LYPLAL1: variants seen among roughly 807,000 people sequenced by gnomAD.
The protein encoded by LYPLAL1 is lysophospholipase like 1, also known as lysophospholipase-like protein 1.
LYPLAL1 carries 23 observed loss-of-function variants against 19.7 expected under a neutral mutation model. That is an observed-to-expected ratio of 1.17 (90% CI 0.84 to 1.65). The LOEUF is 1.65. LYPLAL1 is among the 40% of genes most tolerant of loss of function. The pLI, the probability that LYPLAL1 is intolerant of heterozygous loss-of-function variation, is 0.00. For missense variants in LYPLAL1, 355 were observed against 279.4 expected, an observed-to-expected ratio of 1.27 and a Z score of -1.93; for synonymous variants, 119 against 96.3, an observed-to-expected ratio of 1.24 and a Z score of -1.38.
chr1:219,430,671 C>A, the LYPLAL1 span, among the ~76,000 whole-genome samples: 3 of 152,174 alleles, frequency 2.0e-5, no homozygotes, highest in Non-Finnish European at 4.4e-5. Flanking sequence ...TGTGGCTTAG[C>A]AGCTGTCAGT....
the LYPLAL1 span, among the ~76,000 whole-genome samples, chr1:219,235,088 C>A: frequency 6.6e-6 from 1 of 152,036 alleles, no homozygotes; most frequent in Non-Finnish European, 1.5e-5. Context: ...CATTATAATT[C>A]ACTTTGACCA....
At chr1:219,187,184 C>T (rs1038542189) in intron 2 of LYPLAL1, among the ~76,000 whole-genome samples, 2 of 151,598 alleles carry the variant, frequency 1.3e-5, no homozygotes, top group African/African-American at 2.4e-5. Flanking sequence ...TTTTAAACAG[C>T]TTAAGAGGAG....
chr1:219,228,620 G>A, the LYPLAL1 span, among the ~76,000 whole-genome samples: 2 of 151,904 alleles, frequency 1.3e-5, no homozygotes, highest in African/African-American at 4.8e-5. Flanking sequence ...GTGGTAAGTA[G>A]TTATCTGGAA....
the LYPLAL1 span, among the ~76,000 whole-genome samples, chr1:219,355,054 G>A: frequency 3.3e-5 from 5 of 152,310 alleles, no homozygotes; most frequent in African/African-American, 1.2e-4. Flanking sequence ...TGTAGACTGT[G>A]TTAAATCTAA....
At chr1:219,346,051 A>G in the LYPLAL1 span, among the ~76,000 whole-genome samples, 1 of 152,174 alleles carries the variant, frequency 6.6e-6, no homozygotes, top group East Asian at 1.9e-4. Context: ...GAGTCCAGGT[A>G]TTACTGAAAC....
At chr1:219,232,037 C>T in the LYPLAL1 span, among the ~76,000 whole-genome samples, 1 of 152,090 alleles carries the variant, frequency 6.6e-6, no homozygotes, top group African/African-American at 2.4e-5. Flanking sequence ...ATGTTTCTGC[C>T]ACAGTCATTT....
chr1:219,374,743 C>T, the LYPLAL1 span, among the ~76,000 whole-genome samples: 3 of 152,020 alleles, frequency 2.0e-5, no homozygotes, highest in East Asian at 3.9e-4. Context: ...TTTCACATCC[C>T]AAATTCCGGC....
Position 219,211,552 on chromosome 1 carries a change from G to T in LYPLAL1, c.538G>T (p.Glu180Ter). The T allele has an allele frequency of 6.2e-7, 1 of 1,613,376 alleles. No homozygotes were observed. The highest frequency in any genetic ancestry group is 8.5e-7 in the Non-Finnish European group (1 of 1,179,530). The stretch of plus-strand genomic sequence containing the variant: ...ATTTCAGTGTCATGGTACTGCAGAT[G>T]AGTTAGTTCTTCATTCTTGGGCAGA... ...ELFQCHGTAD[E>*]LVLHSWAEET... Residue 180 changes from glutamate to a stop codon, truncating the protein, a stop_gained, in exon 5 of 5, where the codon GAG becomes TAG. Coordinates refer to ENST00000366928, the MANE Select transcript of LYPLAL1 (RefSeq NM_138794.5). LOFTEE classifies it low-confidence loss of function (END_TRUNC).
At chr1:219,337,177 C>A in the LYPLAL1 span, among the ~76,000 whole-genome samples, 2 of 151,888 alleles carry the variant, frequency 1.3e-5, no homozygotes, top group African/African-American at 2.4e-5. Context: ...TCTGATCAAC[C>A]AGGATTATCT....
At chr1:219,348,671 G>T in the LYPLAL1 span, among the ~76,000 whole-genome samples, 5 of 152,234 alleles carry the variant, frequency 3.3e-5, no homozygotes, top group East Asian at 5.8e-4. Context: ...TAAATATGCA[G>T]CCAGCTGTCT....
chr1:219,206,355 T>C lies in LYPLAL1; in HGVS notation c.362-4177T>C, dbSNP rs190515334. ...ACAATGGATTTACTATTTTCGTATT[T>C]ACTTATTGAACAGTAGATTTTATAT... On this transcript the variant is annotated intron_variant, in intron 3 of 4. Coordinates refer to ENST00000366928, the MANE Select transcript of LYPLAL1 (RefSeq NM_138794.5). Among the ~76,000 whole-genome samples the C allele has an allele frequency of 3.3e-5, 5 of 152,250 alleles. No homozygotes were observed. The East Asian group carries it at 9.6e-4, about 29-fold the overall frequency.
At chr1:219,225,336 T>C in the LYPLAL1 span, 2 of 152,158 alleles carry the variant, frequency 1.3e-5, no homozygotes, top group African/African-American at 2.4e-5. Flanking sequence ...TCTGGTGAGA[T>C]TTAATATAAA....
chr1:219,423,198 A>G, the LYPLAL1 span, among the ~76,000 whole-genome samples: 2 of 152,268 alleles, frequency 1.3e-5, no homozygotes, highest in South Asian at 2.1e-4. Context: ...GGGCTGAGGA[A>G]AACCTTTCTT....
chr1:219,303,563 T>C, the LYPLAL1 span, among the ~76,000 whole-genome samples: 28 of 152,344 alleles, frequency 1.8e-4, no homozygotes, highest in African/African-American at 6.3e-4. Flanking sequence ...GTGCAGATCA[T>C]AGAACATGTG....
chr1:219,183,754 G>A (rs899105033), intron 2 of LYPLAL1, among the ~76,000 whole-genome samples: 2 of 151,794 alleles, frequency 1.3e-5, no homozygotes, highest in African/African-American at 4.8e-5. Context: ...CTATATGTGT[G>A]TATCAATAGT....
chr1:219,349,851 T>A, the LYPLAL1 span, among the ~76,000 whole-genome samples: 28 of 152,224 alleles, frequency 1.8e-4, no homozygotes, highest in Non-Finnish European at 3.2e-4. Context: ...AGCCTCTCAC[T>A]GTGTATGTTT....
chr1:219,244,698 C>T, the LYPLAL1 span, among the ~76,000 whole-genome samples: 4 of 151,816 alleles, frequency 2.6e-5, no homozygotes, highest in African/African-American at 9.7e-5. Flanking sequence ...GTAATCCCAG[C>T]ACTTTGGGAA....
the LYPLAL1 span, among the ~76,000 whole-genome samples, chr1:219,401,500 G>C: frequency 6.6e-6 from 1 of 151,192 alleles, no homozygotes; most frequent in Admixed American, 6.6e-5. Flanking sequence ...ATTTATAAAA[G>C]TGTTTCAATT....
chr1:219,217,086 A>T (rs1261029046), downstream of LYPLAL1, among the ~76,000 whole-genome samples: 2 of 152,078 alleles, frequency 1.3e-5, no homozygotes, highest in African/African-American at 4.8e-5. Context: ...CAGTGCTTTA[A>T]TTTTCTAAAG....
Sources: allele counts gnomAD v4.1 joint callset (sites outside exome capture counted in the v4.1 genomes callset), GRCh38; gene constraint gnomAD v4.1.1; transcripts MANE v1.5; gene names NCBI Gene and HGNC (gene_info 2026-07-23, HGNC 2026-07-21).